Variants in UBE2G1 observed in about 807,000 individuals in gnomAD.
UBE2G1 encodes the protein ubiquitin conjugating enzyme E2 G1.
Under a neutral mutation model 22.7 loss-of-function variants are expected in UBE2G1, and 5 were observed. The observed-to-expected ratio is 0.22, with a 90% CI of 0.12 to 0.46. The LOEUF is 0.46. UBE2G1 is among the 20% of genes least tolerant of loss of function. UBE2G1 has a pLI of 0.99. For missense variants in UBE2G1, 88 were observed against 203.9 expected (o/e 0.43, Z 3.46); for synonymous variants, 74 against 67.5 (o/e 1.10, Z -0.47).
intron 1 of UBE2G1, chr17:4,332,011 A>T (rs1407488993): frequency 1.3e-5 from 2 of 152,226 alleles, no homozygotes; most frequent in African/African-American, 4.8e-5. Context: ...AAAAGGTTTT[A>T]AAAAGCAGTT....
At chr17:4,307,840 G>C (rs562348239) in intron 1 of UBE2G1, among the ~76,000 whole-genome samples, 1 of 152,126 alleles carries the variant, frequency 6.6e-6, no homozygotes, top group South Asian at 2.1e-4. Context: ...AGGATGACAG[G>C]GTGGGAAACA....
chr17:4,283,176 TAC>T (rs1968914647), intron 4 of UBE2G1, among the ~76,000 whole-genome samples: 1 of 152,210 alleles, frequency 6.6e-6, no homozygotes, highest in South Asian at 2.1e-4. Context: ...AAAGAACATT[TAC>T]AGTTTTGTAT....
chr17:4,303,798 A>G (rs1969217804), intron 2 of UBE2G1, among the ~76,000 whole-genome samples: 1 of 152,218 alleles, frequency 6.6e-6, no homozygotes, highest in African/African-American at 2.4e-5. Flanking sequence ...CATTTTCTAT[A>G]TCTACCCAAG....
intron 1 of UBE2G1, among the ~76,000 whole-genome samples, chr17:4,338,032 T>C (rs1233011676): frequency 6.6e-6 from 1 of 151,920 alleles, no homozygotes; most frequent in Non-Finnish European, 1.5e-5. Context: ...TAGCCAGGCA[T>C]GCTGGCACGT....
chr17:4,336,435 C>T (rs1969647197), intron 1 of UBE2G1, among the ~76,000 whole-genome samples: 1 of 151,928 alleles, frequency 6.6e-6, no homozygotes, highest in African/African-American at 2.4e-5. Context: ...TTAAAGGAGG[C>T]AGAAAAGGGT....
At chr17:4,338,149 G>A (rs1429648978) in intron 1 of UBE2G1, among the ~76,000 whole-genome samples, 2 of 148,410 alleles carry the variant, frequency 1.3e-5, no homozygotes, top group Non-Finnish European at 3.0e-5. Context: ...CAGCCTAGGC[G>A]ACAGAGCGAG....
At chr17:4,299,919 C>T (rs1266609786) in intron 2 of UBE2G1, among the ~76,000 whole-genome samples, 2 of 150,964 alleles carry the variant, frequency 1.3e-5, no homozygotes, top group African/African-American at 4.9e-5. Flanking sequence ...CTCTGCCTCC[C>T]GGGTTGAAGA....
At chr17:4,349,497 TG>T in intron 1 of UBE2G1, among the ~76,000 whole-genome samples, 1 of 66,748 alleles carries the variant, frequency 1.5e-5, no homozygotes, top group South Asian at 6.6e-4. Context: ...TGATTTGGAA[TG>T]GAGGCATTGT....
At chr17:4,301,088 T>C (rs1304883195) in intron 2 of UBE2G1, among the ~76,000 whole-genome samples, 1 of 152,216 alleles carries the variant, frequency 6.6e-6, no homozygotes, top group African/African-American at 2.4e-5. Context: ...AATCCTACCA[T>C]ACTGCCATAT....
intron 3 of UBE2G1, among the ~76,000 whole-genome samples, chr17:4,289,691 T>C (rs912729554): frequency 2.0e-5 from 3 of 152,222 alleles, no homozygotes; most frequent in African/African-American, 7.2e-5. Context: ...GCCTAACATT[T>C]ACATGTCTTA....
rs145124948 is a variant in UBE2G1 at position 4,357,835 on chromosome 17, C to G, written c.46+8436G>C. On this transcript the variant is annotated intron_variant, in intron 1 of 5. Coordinates refer to ENST00000396981, the MANE Select transcript of UBE2G1 (RefSeq NM_003342.5). ...AAAAAATAGACTGGATGTGGTGGCT[C>G]ACACCTGTAATCCCAACATTCTGGG... is the stretch of plus-strand genomic sequence containing the variant. Among the ~76,000 whole-genome samples, 450 of 152,020 alleles carry G rather than the reference C, an allele frequency of 3.0e-3. 1 individual carries two copies. The highest frequency in any genetic ancestry group is 0.01 in the African/African-American group (422 of 41,478).
chr17:4,300,934 A>C (rs1969170283), intron 2 of UBE2G1, among the ~76,000 whole-genome samples: 1 of 136,606 alleles, frequency 7.3e-6, no homozygotes, highest in Non-Finnish European at 1.5e-5. Context: ...CTCTGTTTTC[A>C]AACAAAAAAA....
intron 1 of UBE2G1, among the ~76,000 whole-genome samples, chr17:4,312,122 T>C (rs928050235): frequency 6.6e-6 from 1 of 151,376 alleles, no homozygotes; most frequent in African/African-American, 2.4e-5. Context: ...GGTGGGCGCC[T>C]GTAGTCCCAG....
intron 1 of UBE2G1, among the ~76,000 whole-genome samples, chr17:4,327,105 G>C (rs1969511386): frequency 6.6e-6 from 1 of 152,150 alleles, no homozygotes; most frequent in African/African-American, 2.4e-5. Flanking sequence ...AGGCCAGCCT[G>C]ACCAACATGG....
chr17:4,282,720 T>C (rs1321488948), intron 5 of UBE2G1, 78 bp downstream of exon 5: 2 of 896,550 alleles, frequency 2.2e-6, no homozygotes, highest in South Asian at 1.7e-5. Context: ...GTAATTCAAA[T>C]ACCCAAATCA....
At chr17:4,343,821 T>A (rs1969738552) in intron 1 of UBE2G1, among the ~76,000 whole-genome samples, 1 of 151,864 alleles carries the variant, frequency 6.6e-6, no homozygotes, top group African/African-American at 2.4e-5. Flanking sequence ...TCTCCTGACC[T>A]CATGATCCGC....
intron 5 of UBE2G1, among the ~76,000 whole-genome samples, chr17:4,278,044 C>T (rs1468541271): frequency 3.3e-5 from 5 of 152,108 alleles, no homozygotes; most frequent in Admixed American, 6.5e-5. Flanking sequence ...GAATTACAGG[C>T]GCCTACCACT....
At chr17:4,301,691 GT>G in intron 2 of UBE2G1, 1 of 707,270 alleles carries the variant, frequency 1.4e-6, no homozygotes, top group Non-Finnish European at 2.6e-6. Context: ...AATATTTAAT[GT>G]TTTTTGGCTG....
At chr17:4,286,016 C>A (rs546045926) in intron 4 of UBE2G1, among the ~76,000 whole-genome samples, 1 of 151,032 alleles carries the variant, frequency 6.6e-6, no homozygotes, top group Non-Finnish European at 1.5e-5. Context: ...AAGAAAAATG[C>A]GGGTTTCCTG....
Sources: allele counts gnomAD v4.1 joint callset (sites outside exome capture counted in the v4.1 genomes callset), GRCh38; gene constraint gnomAD v4.1.1; transcripts MANE v1.5; gene names NCBI Gene and HGNC (gene_info 2026-07-23, HGNC 2026-07-21).